The following ZFP2 variants were observed in gnomAD, a reference collection of about 807,000 sequenced individuals.
ZFP2 encodes the protein zinc finger protein ZFP2.
ZFP2 carries 33 observed loss-of-function variants against 36.1 expected under a neutral mutation model. That is an observed-to-expected ratio of 0.92 (90% CI 0.69 to 1.22). The LOEUF (loss-of-function observed/expected upper bound fraction) is 1.22, where lower values mean the gene tolerates loss of function less well. Ranked by LOEUF, ZFP2 falls within the 50% of genes most tolerant of loss-of-function variation. The probability of loss-of-function intolerance (pLI) is 0.00; values close to 1 mark genes in which losing one functional copy is unlikely to be tolerated. For missense variants in ZFP2, 522 were observed against 551.4 expected (o/e 0.95, Z 0.53); for synonymous variants, 170 against 178.0 (o/e 0.96, Z 0.36).
At chr5:178,924,392 A>T (rs1758623834) in intron 4 of ZFP2, among the ~76,000 whole-genome samples, 1 of 143,514 alleles carries the variant, frequency 7.0e-6, no homozygotes, top group African/African-American at 2.5e-5. Flanking sequence ...AAAAAAAGAA[A>T]CCTGCCCAAG....
intron 1 of ZFP2, among the ~76,000 whole-genome samples, chr5:178,900,028 G>A (rs921915390): frequency 6.6e-6 from 1 of 152,100 alleles, no homozygotes; most frequent in African/African-American, 2.4e-5. Context: ...TAAAATGGGG[G>A]TATTGGACAA....
chr5:178,918,316 GA>G (rs1464585600), intron 4 of ZFP2, among the ~76,000 whole-genome samples: 1 of 152,204 alleles, frequency 6.6e-6, no homozygotes, highest in East Asian at 1.9e-4. Flanking sequence ...AGTTTAAATA[GA>G]AAATCCAGAC....
At chr5:178,916,747 G>C in intron 4 of ZFP2, 37 bp downstream of exon 4, 1 of 984,292 alleles carries the variant, frequency 1.0e-6, no homozygotes, top group Non-Finnish European at 1.2e-6. Flanking sequence ...GGAAGACATT[G>C]GCTCTGAAAG....
chr5:178,931,653 A>G lies in ZFP2; in HGVS notation c.340A>G (p.Ser114Gly). Reference protein sequence around the residue: ...CNQCSKTFSQSSSLLKHQRIH... With the variant: ...CNQCSKTFSQGSSLLKHQRIH... ...TCAGTGCAGCAAAACCTTCAGTCAG[A>G]GCTCATCCCTTCTTAAGCACCAGAG... The change falls in exon 5 of 5, where the codon AGC becomes GGC. Residue 114 changes from serine (S) to glycine (G), a missense_variant. Coordinates refer to ENST00000361362, the MANE Select transcript of ZFP2 (RefSeq NM_030613.4). The G allele has an allele frequency of 1.6e-5, 26 of 1,614,168 alleles. No homozygotes were observed. The highest frequency in any genetic ancestry group is 2.2e-5 in the Non-Finnish European group (26 of 1,180,012).
At chr5:178,921,036 G>C (rs1384737501) in intron 4 of ZFP2, among the ~76,000 whole-genome samples, 1 of 152,186 alleles carries the variant, frequency 6.6e-6, no homozygotes, top group East Asian at 1.9e-4. Context: ...GTGGGTTGTG[G>C]TTTCTGTGTC....
intron 1 of ZFP2, among the ~76,000 whole-genome samples, chr5:178,900,328 C>G (rs1174958940): frequency 1.3e-5 from 2 of 151,080 alleles, no homozygotes; most frequent in Admixed American, 1.3e-4. Flanking sequence ...CACTTCTACT[C>G]CACGTCCCCC....
chr5:178,905,040 C>A (rs1055025900), intron 1 of ZFP2, among the ~76,000 whole-genome samples: 19 of 151,918 alleles, frequency 1.3e-4, no homozygotes, highest in Admixed American at 1.1e-3. Flanking sequence ...CCTCATTTTT[C>A]GTTTCAAAAG....
chr5:178,925,521 G>C (rs933369979), intron 4 of ZFP2, among the ~76,000 whole-genome samples: 7 of 149,590 alleles, frequency 4.7e-5, no homozygotes, highest in Non-Finnish European at 1.0e-4. Context: ...GGAGTATGTG[G>C]AAGTTCCCAC....
chr5:178,912,842 A>G, intron 2 of ZFP2, 123 bp downstream of exon 2: 1 of 899,110 alleles, frequency 1.1e-6, no homozygotes, highest in Non-Finnish European at 1.3e-6. Context: ...AATTTTCTGT[A>G]GAGAATGGAA....
chr5:178,933,026 G>GT lies in ZFP2; in HGVS notation c.*330dup, dbSNP rs1337502398. 1.3e-5 allele frequency: 3 copies of GT among 227,114 alleles called. No individual in the cohort carries two copies. Among genetic ancestry groups the GT allele is most frequent in the Non-Finnish European group, 2.8e-5 (3 of 106,216 alleles). 14.1% of individuals were successfully genotyped at this position (227,114 alleles called of 1,614,324 possible). On this transcript the variant is annotated 3_prime_UTR_variant, in exon 5 of 5. Transcript: ENST00000361362. ...ACACTGGAGAGAAAAATGTGAGAGT[G>GT]TTTAACTGGACAGCCCAGAGACCTG...
intron 4 of ZFP2, among the ~76,000 whole-genome samples, chr5:178,924,217 C>CA (rs1479283085): frequency 6.8e-6 from 1 of 148,124 alleles, no homozygotes; most frequent in East Asian, 1.9e-4. Context: ...ACTAAAACCA[C>CA]AAAAAATTAG....
intron 4 of ZFP2, among the ~76,000 whole-genome samples, chr5:178,924,275 AGGCAGGAGAAT>A: frequency 6.8e-6 from 1 of 147,128 alleles, no homozygotes; most frequent in South Asian, 2.2e-4. Context: ...CGGGAGGCTG[AGGCAGGAGAAT>A]GGCGTGAACC....
intron 4 of ZFP2, chr5:178,922,447 A>G: frequency 7.2e-7 from 1 of 1,380,914 alleles, no homozygotes; most frequent in Non-Finnish European, 1.0e-6. Context: ...TGCCTTACTT[A>G]TGTTTGTTAG....
intron 4 of ZFP2, among the ~76,000 whole-genome samples, chr5:178,924,324 G>A (rs2113113707): frequency 7.0e-6 from 1 of 141,938 alleles, no homozygotes; most frequent in African/African-American, 2.5e-5. Context: ...AGTGAGCCGA[G>A]ATCGCTCCAC....
intron 1 of ZFP2, among the ~76,000 whole-genome samples, chr5:178,907,621 G>GATAGATAA (rs1554106058): frequency 1.3e-5 from 2 of 150,070 alleles, no homozygotes; most frequent in African/African-American, 4.9e-5. Flanking sequence ...TATTCAAAGA[G>GATAGATAA]ATAAATAAAT....
chr5:178,931,830 C>G lies in ZFP2; in HGVS notation c.517C>G (p.Leu173Val), dbSNP rs996395107. 1.9e-6 allele frequency: 3 copies of G among 1,612,552 alleles called. No individual in the cohort carries two copies. The highest frequency in any genetic ancestry group is 2.5e-6 in the Non-Finnish European group (3 of 1,178,784). ...GAAAGCCTTTAGTCAGAGCATGAAT[C>G]TTACTGTCCATCAACGAACTCACAC... ...CGKAFSQSMN[L>V]TVHQRTHTGE... Residue 173 changes from leucine to valine, a missense_variant, in exon 5 of 5, where the codon CTT becomes GTT. By Grantham distance (32) the Leu-to-Val change is conservative. Transcript: ENST00000361362.
At chr5:178,900,275 T>C (rs1344236127) in intron 1 of ZFP2, among the ~76,000 whole-genome samples, 1 of 152,228 alleles carries the variant, frequency 6.6e-6, no homozygotes, top group African/African-American at 2.4e-5. Context: ...TCAGTCAAGG[T>C]ACAGAACTTT....
intron 1 of ZFP2, among the ~76,000 whole-genome samples, chr5:178,897,653 T>TAC (rs1413595046): frequency 2.0e-5 from 3 of 152,220 alleles, no homozygotes; most frequent in Admixed American, 6.5e-5. Context: ...AATATATATA[T>TAC]ACACACACAT....
At chr5:178,928,702 T>C (rs1322630715) in intron 4 of ZFP2, among the ~76,000 whole-genome samples, 2 of 152,202 alleles carry the variant, frequency 1.3e-5, no homozygotes, top group African/African-American at 4.8e-5. Flanking sequence ...CTTTTCCACA[T>C]GCAGGGTGCA....
Sources: allele counts gnomAD v4.1 joint callset (sites outside exome capture counted in the v4.1 genomes callset), GRCh38; gene constraint gnomAD v4.1.1; transcripts MANE v1.5; gene names NCBI Gene and HGNC (gene_info 2026-07-23, HGNC 2026-07-21).